The following PRKAR1B variants were observed in gnomAD, a reference collection of about 807,000 sequenced individuals.
PRKAR1B encodes protein kinase cAMP-dependent type I regulatory subunit beta.
In PRKAR1B, 22 loss-of-function variants were observed where a neutral mutation model predicts 46.5. That is an observed-to-expected ratio of 0.47 (90% CI 0.34 to 0.68). The LOEUF (loss-of-function observed/expected upper bound fraction) is 0.68. Ranked by LOEUF, PRKAR1B falls within the 30% of genes least tolerant of loss-of-function variation. The probability of loss-of-function intolerance (pLI) is 0.01; values close to 1 mark genes in which losing one functional copy is unlikely to be tolerated. For missense variants in PRKAR1B, 445 were observed against 535.6 expected (o/e 0.83, Z 1.67); for synonymous variants, 259 against 217.7 (o/e 1.19, Z -1.67).
At chr7:656,792 C>T (rs1315222831) in intron 4 of PRKAR1B, among the ~76,000 whole-genome samples, 6 of 151,446 alleles carry the variant, frequency 4.0e-5, no homozygotes, top group Non-Finnish European at 8.8e-5. Flanking sequence ...GGAATGGATG[C>T]ATGAGTGAAT....
chr7:707,375 G>A (rs556086808), intron 2 of PRKAR1B, among the ~76,000 whole-genome samples: 15 of 152,094 alleles, frequency 9.9e-5, no homozygotes, highest in East Asian at 9.7e-4. Flanking sequence ...CATTATTGTC[G>A]GCAACCCTTT....
intron 4 of PRKAR1B, among the ~76,000 whole-genome samples, chr7:640,107 G>A (rs1372338697): frequency 1.3e-5 from 2 of 149,774 alleles, no homozygotes; most frequent in East Asian, 4.0e-4. Context: ...AGGTTGCAGT[G>A]AGCCGAGATC....
intron 7 of PRKAR1B, among the ~76,000 whole-genome samples, chr7:587,638 C>A (rs571088771): frequency 6.6e-6 from 1 of 152,392 alleles, no homozygotes; most frequent in East Asian, 1.9e-4. Flanking sequence ...GACCACCACA[C>A]AGCCCCTTCC....
Position 666,889 on chromosome 7 carries a change from C to G in PRKAR1B, c.440+10340G>C, listed in dbSNP as rs569313290. Among the ~76,000 whole-genome samples the G allele has an allele frequency of 6.6e-6, 1 of 152,356 alleles. No homozygotes were observed. The highest frequency in any genetic ancestry group is 1.5e-5 in the Non-Finnish European group (1 of 68,044). Reference sequence around the variant, plus strand: ...TCCAGAAGAAGTACCTTCATGGACTCCACTGCCACACAGCCAAAGGGCCAC... The same window carrying G: ...TCCAGAAGAAGTACCTTCATGGACTGCACTGCCACACAGCCAAAGGGCCAC... On this transcript the variant is annotated intron_variant, in intron 4 of 10. Coordinates refer to ENST00000537384, the MANE Select transcript of PRKAR1B (RefSeq NM_001164760.2). The surrounding 1 kb of genome is among the most constrained non-coding windows in gnomAD (Gnocchi z 4.9).
chr7:569,837 C>T (rs1396332892), intron 9 of PRKAR1B, among the ~76,000 whole-genome samples: 1 of 152,168 alleles, frequency 6.6e-6, no homozygotes, highest in Admixed American at 6.5e-5. Context: ...GCCCGCAGAC[C>T]CCACGGACAG....
rs183639849 is a variant in PRKAR1B, at chr7:682,614, A to C, written c.178-1888T>G. ...CAAAAAATTAGCTGGGTGTGGTGGC[A>C]GGCACCTGTAGTCCCAGCTACTCCG... On this transcript the variant is annotated intron_variant, in intron 2 of 10. Coordinates refer to ENST00000537384, the MANE Select transcript of PRKAR1B (RefSeq NM_001164760.2). Among the ~76,000 whole-genome samples, 809 of 152,132 alleles carry C rather than the reference A, an allele frequency of 5.3e-3. 6 individuals are homozygous for C. Among genetic ancestry groups the C allele is most frequent in the Admixed American group, 7.7e-3 (117 of 15,288 alleles).
At chr7:699,366 G>A (rs1022907637) in intron 2 of PRKAR1B, among the ~76,000 whole-genome samples, 1 of 152,224 alleles carries the variant, frequency 6.6e-6, no homozygotes, top group African/African-American at 2.4e-5. Flanking sequence ...GAGGCACTGA[G>A]TCCCAAAGCA....
rs1366640874 is a variant in PRKAR1B at position 714,829 on chromosome 7, C to T, written c.-22-3302G>A. Among the ~76,000 whole-genome samples the T allele has an allele frequency of 2.0e-5, 3 of 152,220 alleles. No individual in the cohort carries two copies. Among genetic ancestry groups the T allele is most frequent in the East Asian group, 1.9e-4 (1 of 5,198 alleles). On this transcript the variant is annotated intron_variant, in intron 1 of 10. Transcript: ENST00000537384. The surrounding 1 kb of genome is among the most constrained non-coding windows in gnomAD (Gnocchi z 4.3). Reference sequence around the variant, plus strand: ...ACAGGATCCTAGAGAAATGGAGCCACGGCCGTCCTCAAACCAAACCTGAGG... The same window carrying T: ...ACAGGATCCTAGAGAAATGGAGCCATGGCCGTCCTCAAACCAAACCTGAGG...
At chr7:639,955 G>A (rs1272555646) in intron 4 of PRKAR1B, among the ~76,000 whole-genome samples, 1 of 151,856 alleles carries the variant, frequency 6.6e-6, no homozygotes, top group Non-Finnish European at 1.5e-5. Flanking sequence ...ACAAGGTCAG[G>A]AGTTTGAGAC....
intron 2 of PRKAR1B, among the ~76,000 whole-genome samples, chr7:683,330 GT>G (rs1162258374): frequency 6.6e-6 from 1 of 152,178 alleles, no homozygotes; most frequent in East Asian, 1.9e-4. Context: ...TAAGCAAATG[GT>G]TTGCTTATTG....
intron 4 of PRKAR1B, among the ~76,000 whole-genome samples, chr7:633,856 G>A (rs983730927): frequency 6.6e-6 from 1 of 152,074 alleles, no homozygotes; most frequent in Non-Finnish European, 1.5e-5. Flanking sequence ...CGGGAAACAG[G>A]CAGACCCAAG....
chr7:677,100 C>T (rs577947026), intron 4 of PRKAR1B, 129 bp downstream of exon 4: 16 of 875,254 alleles, frequency 1.8e-5, no homozygotes, highest in African/African-American at 4.9e-5. Flanking sequence ...AGGCGAGCAA[C>T]GGGGGCTGCC....
intron 4 of PRKAR1B, among the ~76,000 whole-genome samples, chr7:617,018 G>C (rs1004057401): frequency 2.6e-5 from 3 of 116,336 alleles, no homozygotes; most frequent in African/African-American, 6.4e-5. Context: ...TTTTGAGACA[G>C]AGTCTCGCCC....
chr7:552,615 G>A (rs1404818297), intron 9 of PRKAR1B, among the ~76,000 whole-genome samples: 3 of 151,882 alleles, frequency 2.0e-5, no homozygotes, highest in Non-Finnish European at 2.9e-5. Context: ...AGAGACCACC[G>A]TCCGGCCTGG....
Position 698,100 on chromosome 7 carries a change from G to A in PRKAR1B, c.177+13229C>T, listed in dbSNP as rs890705768. ...AGGGAGCAGAGGGGAGGGGAGGGAA[G>A]GGAATTAGAAATTAACAGGCTGGGC... On this transcript the variant is annotated intron_variant, in intron 2 of 10. Coordinates refer to ENST00000537384, the MANE Select transcript of PRKAR1B (RefSeq NM_001164760.2). 1.5e-4 allele frequency among the ~76,000 whole-genome samples: 22 copies of A among 146,870 alleles called. No homozygotes were observed. In the East Asian group the frequency reaches 3.1e-3, roughly 20 times the overall value.
At chr7:718,321 T>C (rs1424242802) in intron 1 of PRKAR1B, among the ~76,000 whole-genome samples, 1 of 143,898 alleles carries the variant, frequency 6.9e-6, no homozygotes, top group Non-Finnish European at 1.5e-5. Context: ...TACATATATA[T>C]GTATGTATGT....
rs376485101 is a variant in PRKAR1B, at chr7:706,048, G to A, written c.177+5281C>T. On this transcript the variant is annotated intron_variant, in intron 2 of 10. Transcript: ENST00000537384. ...TCTCGAAAAGAAAAACAGATGAGCC[G>A]GGCGTGGTGGCTCACATCTATAACC... Among the ~76,000 whole-genome samples the A allele has an allele frequency of 1.9e-3, 295 of 152,150 alleles. 1 individual carries two copies. The highest frequency in any genetic ancestry group is 5.0e-3 in the East Asian group (26 of 5,174).
intron 2 of PRKAR1B, among the ~76,000 whole-genome samples, chr7:710,396 G>A (rs1452528307): frequency 6.6e-6 from 1 of 152,196 alleles, no homozygotes; most frequent in East Asian, 1.9e-4. Flanking sequence ...ACAGCAGGAG[G>A]TGTCACAGGG....
chr7:691,702 A>G, intron 2 of PRKAR1B: 1 of 1,267,232 alleles, frequency 7.9e-7, no homozygotes, highest in Non-Finnish European at 1.0e-6. Flanking sequence ...GGTCAAAAGC[A>G]GCTCCTCGTG....
Sources: gnomAD v4.1 joint callset for allele counts (sites outside exome capture counted in the v4.1 genomes callset) on GRCh38, gnomAD v4.1.1 for gene constraint, Gnocchi (gnomAD v3.1) non-coding constraint, MANE v1.5 for transcripts, NCBI Gene and HGNC (gene_info 2026-07-23, HGNC 2026-07-21) for gene names.